CPVL: variants seen among roughly 807,000 people sequenced by gnomAD.
The protein encoded by CPVL is carboxypeptidase vitellogenic like.
A neutral mutation model predicts 63.7 loss-of-function variants in CPVL; 51 were observed. The observed-to-expected ratio is 0.80, with a 90% CI of 0.64 to 1.01. CPVL has a LOEUF of 1.01. CPVL is among the 50% of genes least tolerant of loss of function. The pLI, the probability that CPVL is intolerant of heterozygous loss-of-function variation, is 0.00. For missense variants in CPVL, 530 were observed against 573.1 expected (o/e 0.92, Z 0.77); for synonymous variants, 195 against 206.0 (o/e 0.95, Z 0.46).
chr7:29,135,802 A>C (rs1231788992), intron 1 of CPVL, among the ~76,000 whole-genome samples: 1 of 152,204 alleles, frequency 6.6e-6, no homozygotes, highest in Admixed American at 6.5e-5. Flanking sequence ...AGGCTCAAGC[A>C]ATCATCCCAC....
intron 1 of CPVL, among the ~76,000 whole-genome samples, chr7:29,145,567 TTC>T (rs749345515): frequency 1.3e-5 from 2 of 152,044 alleles, no homozygotes; most frequent in Middle Eastern, 3.2e-3. Context: ...CATTATTTTG[TTC>T]TGTCTTCACC....
chr7:29,063,104 C>A (rs1444872343), intron 11 of CPVL, among the ~76,000 whole-genome samples: 1 of 152,154 alleles, frequency 6.6e-6, no homozygotes, highest in Non-Finnish European at 1.5e-5. Flanking sequence ...GTCCTCCTTC[C>A]CAGTGGGAGT....
chr7:29,095,252 G>A (rs1402817885), intron 4 of CPVL, 110 bp from the exon 5 acceptor site: 34 of 860,862 alleles, frequency 3.9e-5, no homozygotes, highest in Non-Finnish European at 5.5e-5. Flanking sequence ...AGCTGTTGGC[G>A]TACCCTCTAA....
At chr7:29,013,663 G>T (rs1403405) in intron 12 of CPVL, among the ~76,000 whole-genome samples, 30,526 of 152,176 alleles carry the variant, frequency 0.2, 3,315 homozygotes, top group East Asian at 0.28. Flanking sequence ...GAGCTAGCAA[G>T]TACATTATCT....
chr7:29,042,972 T>C (rs953529044), intron 11 of CPVL, among the ~76,000 whole-genome samples: 1 of 152,184 alleles, frequency 6.6e-6, no homozygotes, highest in Non-Finnish European at 1.5e-5. Flanking sequence ...TCTCCTCCCA[T>C]AACAAACTTG....
chr7:29,064,970 A>T (rs1238606116), intron 10 of CPVL, among the ~76,000 whole-genome samples: 4 of 152,010 alleles, frequency 2.6e-5, no homozygotes, highest in Non-Finnish European at 5.9e-5. Flanking sequence ...ATTGACTATA[A>T]TAAAGGGGAA....
chr7:29,087,354 G>A (rs1785312324), intron 6 of CPVL, among the ~76,000 whole-genome samples: 1 of 149,812 alleles, frequency 6.7e-6, no homozygotes, highest in Admixed American at 6.7e-5. Context: ...AACCAGGGAG[G>A]CTGAGGTTGC....
At chr7:29,011,571 C>T (rs1785837387) in intron 12 of CPVL, 1 of 152,114 alleles carries the variant, frequency 6.6e-6, no homozygotes, top group Non-Finnish European at 1.5e-5. Context: ...CAAGTCCCTG[C>T]CTTAAAATAA....
At chr7:29,153,457 T>C (rs1793891778) in intron 5 of CPVL, among the ~76,000 whole-genome samples, 1 of 152,226 alleles carries the variant, frequency 6.6e-6, no homozygotes, top group African/African-American at 2.4e-5. Context: ...GACCAACCCC[T>C]CTTCTTCCTT....
chr7:29,088,250 G>C (rs75898788), intron 6 of CPVL, among the ~76,000 whole-genome samples: 23 of 152,260 alleles, frequency 1.5e-4, no homozygotes, highest in African/African-American at 4.8e-4. Context: ...ATATTGCATG[G>C]AATATACTTA....
chr7:29,095,593 TAA>T (rs530962965), intron 4 of CPVL, among the ~76,000 whole-genome samples: 3 of 124,468 alleles, frequency 2.4e-5, no homozygotes. Flanking sequence ...TAAACAAAAT[TAA>T]AAAAAAAAAA....
intron 11 of CPVL, among the ~76,000 whole-genome samples, chr7:29,052,897 A>G (rs1400797077): frequency 6.6e-6 from 1 of 152,192 alleles, no homozygotes; most frequent in Non-Finnish European, 1.5e-5. Flanking sequence ...CGACAGAGCA[A>G]GTCTCCATCT....
At chr7:29,128,123 C>T (rs1156460911) in intron 1 of CPVL, 1 of 151,354 alleles carries the variant, frequency 6.6e-6, no homozygotes, top group African/African-American at 2.4e-5. Flanking sequence ...AGTTCCAGAA[C>T]CTGCAGATGA....
In CPVL at chr7:29,080,716, G is replaced by A. The variant is rs139649156; in HGVS notation, c.609+5768C>T. 8.8e-3 allele frequency among the ~76,000 whole-genome samples: 1,346 copies of A among 152,148 alleles called. 17 individuals carry two copies. The highest frequency in any genetic ancestry group is 0.03 in the African/African-American group (1,261 of 41,498). On this transcript the variant is annotated intron_variant, in intron 7 of 12. Coordinates refer to ENST00000265394, the MANE Select transcript of CPVL (RefSeq NM_031311.5). ...GAAACAAACATGGCTCTCGCATACT[G>A]GGAGCTTGCCACCTAACCCAATGGG... is the stretch of plus-strand genomic sequence containing the variant.
chr7:29,035,240 C>T (rs1013195660), intron 11 of CPVL, among the ~76,000 whole-genome samples: 2 of 152,094 alleles, frequency 1.3e-5, no homozygotes, highest in Non-Finnish European at 2.9e-5. Flanking sequence ...TTCCACTGTC[C>T]GCCTCCACTT....
intron 3 of CPVL, among the ~76,000 whole-genome samples, chr7:29,096,955 A>C (rs1786476361): frequency 7.0e-6 from 1 of 143,240 alleles, no homozygotes; most frequent in Admixed American, 7.2e-5. Context: ...ACTGCACTCC[A>C]GCCTGGGTGA....
chr7:29,169,822 G>A (rs1277766916), intron 5 of CPVL, among the ~76,000 whole-genome samples: 1 of 150,142 alleles, frequency 6.7e-6, no homozygotes. Context: ...GGGATAAGAT[G>A]TATATATATA....
intron 11 of CPVL, among the ~76,000 whole-genome samples, chr7:29,063,425 A>G (rs1472762741): frequency 6.6e-6 from 1 of 152,220 alleles, no homozygotes; most frequent in East Asian, 1.9e-4. Flanking sequence ...AAAGCAACAC[A>G]TAAGAGAAAT....
intron 1 of CPVL, chr7:29,192,008 T>C (rs1031717408): frequency 1.3e-5 from 2 of 150,822 alleles, no homozygotes; most frequent in African/African-American, 4.9e-5. Flanking sequence ...GTTTTCTGCA[T>C]TGGTTATGGC....
Sources: gnomAD v4.1 joint callset for allele counts (sites outside exome capture counted in the v4.1 genomes callset) on GRCh38, gnomAD v4.1.1 for gene constraint, MANE v1.5 for transcripts, NCBI Gene and HGNC (gene_info 2026-07-23, HGNC 2026-07-21) for gene names.